The following DYNC2I2 variants were observed in gnomAD, a reference collection of about 807,000 sequenced individuals.
DYNC2I2 encodes dynein 2 intermediate chain 2.
In DYNC2I2, 39 loss-of-function variants were observed where a neutral mutation model predicts 52.0. The ratio of observed to expected loss-of-function variants is 0.75; its 90% confidence interval spans 0.58 to 0.98. DYNC2I2 has a LOEUF of 0.98. Among genes scored for constraint, DYNC2I2 ranks in the 50% least tolerant of loss-of-function variants. DYNC2I2 has a pLI of 0.00. For missense variants in DYNC2I2, 743 were observed against 728.4 expected, an observed-to-expected ratio of 1.02 and a Z score of -0.23; for synonymous variants, 359 against 321.1, an observed-to-expected ratio of 1.12 and a Z score of -1.26.
At chr9:128,677,678 G>C in the DYNC2I2 span, among the ~76,000 whole-genome samples, 1 of 151,372 alleles carries the variant, frequency 6.6e-6, no homozygotes, top group Non-Finnish European at 1.5e-5. Flanking sequence ...GTGCTGGCAG[G>C]CACCTGTAAT....
chr9:128,634,600 G>C, intron 7 of DYNC2I2, 89 bp downstream of exon 7: 1 of 1,381,062 alleles, frequency 7.2e-7, no homozygotes, highest in South Asian at 1.5e-5. Flanking sequence ...GCAAGCACTT[G>C]AAGCAGTTTG....
the DYNC2I2 span, among the ~76,000 whole-genome samples, chr9:128,666,572 A>G: frequency 1.3e-5 from 2 of 151,310 alleles, no homozygotes; most frequent in African/African-American, 4.9e-5. Context: ...GACTAGCCTG[A>G]CCAACATGAT....
Position 128,635,185 on chromosome 9 carries a change from T to G in DYNC2I2, c.888A>C (p.Leu296=), listed in dbSNP as rs140034879. ...GGCCTACCCCGATGCCCTGCCAGAG[T>G]AGCACCTTCCCGTCGGTGGCCACAC... ...VLSVATDGKV[L]LWQGIGVGQL... Residue 296 remains leucine, a synonymous_variant, in exon 6 of 9, where the codon CTA becomes CTC. Transcript: ENST00000372715. 3.1e-6 allele frequency: 5 copies of G among 1,613,174 alleles called. No homozygotes were observed. The highest frequency in any genetic ancestry group is 4.2e-6 in the Non-Finnish European group (5 of 1,179,948).
chr9:128,634,189 C>T (rs1485504351), intron 8 of DYNC2I2, 37 bp downstream of exon 8: 1 of 1,611,342 alleles, frequency 6.2e-7, no homozygotes, highest in East Asian at 2.2e-5. Context: ...GACCACCCAC[C>T]CCTTAAACAG....
chr9:128,656,927 TC>T, upstream of DYNC2I2: 1 of 521,170 alleles, frequency 1.9e-6, no homozygotes, highest in Non-Finnish European at 3.1e-6. Context: ...GCATACCCTG[TC>T]CCCAGAAAAA....
intron 7 of DYNC2I2, 70 bp downstream of exon 7, chr9:128,634,619 C>T: frequency 1.4e-6 from 2 of 1,435,074 alleles, no homozygotes. Flanking sequence ...TGTCATGAGG[C>T]TTGGCAGGCT....
intron 2 of DYNC2I2, among the ~76,000 whole-genome samples, chr9:128,638,007 C>A (rs1860446853): frequency 6.6e-6 from 1 of 152,062 alleles, no homozygotes; most frequent in Non-Finnish European, 1.5e-5. Context: ...GAGGCTGAGG[C>A]AGGAGGATAG....
chr9:128,666,652 C>A, the DYNC2I2 span, among the ~76,000 whole-genome samples: 13 of 150,582 alleles, frequency 8.6e-5, no homozygotes, highest in South Asian at 2.1e-3. Context: ...CCAGCTACTC[C>A]GGAGGCTGAG....
intron 4 of DYNC2I2, 172 bp downstream of exon 4, chr9:128,636,109 T>A: frequency 9.6e-7 from 1 of 1,043,022 alleles, no homozygotes. Flanking sequence ...CTCCCCCGAG[T>A]TCCACCCCTC....
chr9:128,673,683 CT>C, the DYNC2I2 span, among the ~76,000 whole-genome samples: 4 of 151,298 alleles, frequency 2.6e-5, no homozygotes, highest in Non-Finnish European at 4.4e-5. Flanking sequence ...TGTTTTTGTA[CT>C]TTTAGTAGAG....
chr9:128,645,330 T>C (rs1008024758), intron 1 of DYNC2I2, among the ~76,000 whole-genome samples: 2 of 151,812 alleles, frequency 1.3e-5, no homozygotes, highest in African/African-American at 4.8e-5. Context: ...ACTCCATCTC[T>C]ACTAAAAATA....
At chr9:128,635,394 A>T in intron 5 of DYNC2I2, 135 bp from the exon 6 acceptor site, 2 of 1,168,334 alleles carry the variant, frequency 1.7e-6, no homozygotes, top group Non-Finnish European at 2.4e-6. Context: ...CTCACCCACC[A>T]GGGGGCAGGC....
upstream of DYNC2I2, among the ~76,000 whole-genome samples, chr9:128,658,264 C>A (rs1179921162): frequency 6.6e-6 from 1 of 151,324 alleles, no homozygotes; most frequent in Non-Finnish European, 1.5e-5. Context: ...CTCCCCAGTT[C>A]AAGCGATTCT....
the DYNC2I2 span, among the ~76,000 whole-genome samples, chr9:128,677,501 A>C: frequency 6.6e-6 from 1 of 151,924 alleles, no homozygotes; most frequent in South Asian, 2.1e-4. Context: ...AAAAACAAGA[A>C]AACAAAATGC....
At chr9:128,641,642 G>A (rs1291963287) in intron 1 of DYNC2I2, among the ~76,000 whole-genome samples, 1 of 152,164 alleles carries the variant, frequency 6.6e-6, no homozygotes, top group Non-Finnish European at 1.5e-5. Context: ...GGTGATTGCT[G>A]CTATCTGTGA....
At chr9:128,655,322 A>AC (rs1264289567) in intron 1 of DYNC2I2, among the ~76,000 whole-genome samples, 1 of 96,020 alleles carries the variant, frequency 1.0e-5, no homozygotes, top group Non-Finnish European at 2.3e-5. Context: ...ACACGGTGAA[A>AC]CCCCGTCTCT....
At chr9:128,683,836 C>T in the DYNC2I2 span, 1 of 1,415,858 alleles carries the variant, frequency 7.1e-7, no homozygotes, top group Non-Finnish European at 9.6e-7. Context: ...TCTCAGTGTT[C>T]AGCCTGCTTC....
intron 1 of DYNC2I2, among the ~76,000 whole-genome samples, chr9:128,647,800 C>T (rs1007473254): frequency 6.6e-6 from 1 of 150,956 alleles, no homozygotes; most frequent in Non-Finnish European, 1.5e-5. Flanking sequence ...GTAATCAGAC[C>T]AGGACATCCT....
chr9:128,635,814 C>A, intron 4 of DYNC2I2, 47 bp from the exon 5 acceptor site: 2 of 1,545,214 alleles, frequency 1.3e-6, no homozygotes, highest in Non-Finnish European at 1.8e-6. Context: ...CACCCCCAGC[C>A]TGACTTCCTG....
Sources: allele counts gnomAD v4.1 joint callset (sites outside exome capture counted in the v4.1 genomes callset), GRCh38; gene constraint gnomAD v4.1.1; transcripts MANE v1.5; gene names NCBI Gene and HGNC (gene_info 2026-07-23, HGNC 2026-07-21).